CFAP73: variants seen among roughly 807,000 people sequenced by gnomAD.
The protein encoded by CFAP73 is cilia- and flagella-associated protein 73.
Under a neutral mutation model 42.9 loss-of-function variants are expected in CFAP73, and 33 were observed. The ratio of observed to expected loss-of-function variants is 0.77; its 90% CI spans 0.58 to 1.03. The LOEUF (loss-of-function observed/expected upper bound fraction) is 1.03, where lower values mean the gene tolerates loss of function less well. CFAP73 is among the 50% of genes least tolerant of loss of function. The pLI, the probability that CFAP73 is intolerant of heterozygous loss-of-function variation, is 0.00. For missense variants in CFAP73, 392 were observed against 411.9 expected, an observed-to-expected ratio of 0.95 and a Z score of 0.42; for synonymous variants, 162 against 186.8, an observed-to-expected ratio of 0.87 and a Z score of 1.08.
chr12:113,157,585 G>C lies in CFAP73; in HGVS notation c.850-17G>C, dbSNP rs1203019387. 6.4e-7 allele frequency: 1 copy of C among 1,551,120 alleles called. No individual in the cohort carries two copies. The highest frequency in any genetic ancestry group is 8.7e-7 in the Non-Finnish European group (1 of 1,146,686). On this transcript the variant is annotated splice_polypyrimidine_tract_variant and intron_variant, in intron 6 of 7. Coordinates refer to ENST00000335621, the MANE Select transcript of CFAP73 (RefSeq NM_001144872.3). ...GACTCTGGGGCTGGGATGTGACTTC[G>C]TGCTGGGCCCCCCCAGGTGAAGCTG... is the stretch of plus-strand genomic sequence containing the variant.
chr12:113,155,525 C>T, intron 6 of CFAP73, 107 bp downstream of exon 6: 1 of 1,232,890 alleles, frequency 8.1e-7, no homozygotes, highest in Non-Finnish European at 1.1e-6. Context: ...TAAGCATGGC[C>T]CTCTACGGTC....
rs1174516894 is a variant in CFAP73, at chr12:113,158,768, G to A, written c.*79G>A. Reference sequence around the variant, plus strand: ...TTTCACAGATGATGGCTCCTGCAGGGAGTGCCCCCAGTGCCCAGCACAGGG... The same window carrying A: ...TTTCACAGATGATGGCTCCTGCAGGAAGTGCCCCCAGTGCCCAGCACAGGG... On this transcript the variant is annotated 3_prime_UTR_variant, in exon 8 of 8. Transcript: ENST00000335621. This position sits in a 1 kb window ranked among gnomAD's most constrained non-coding sequence, Gnocchi z 4.9. 1 of 1,218,474 alleles carries A rather than the reference G, an allele frequency of 8.2e-7. No homozygotes were observed. The highest frequency in any genetic ancestry group is 1.1e-6 in the Non-Finnish European group (1 of 886,456). 75.5% of individuals were successfully genotyped at this position (1,218,474 alleles called of 1,614,324 possible).
chr12:113,157,973 G>C (rs1241548590), intron 7 of CFAP73: 6 of 450,586 alleles, frequency 1.3e-5, no homozygotes, highest in Non-Finnish European at 2.4e-5. Context: ...AGGGTGGTTG[G>C]GGCATGAAAA....
Position 113,154,366 on chromosome 12 carries a change from T to C in CFAP73, c.469-48T>C, listed in dbSNP as rs1315072706. 3.9e-6 allele frequency: 6 copies of C among 1,539,220 alleles called. No homozygotes were observed. In the Admixed American group the frequency reaches 9.8e-5, roughly 25 times the overall value. Reference sequence around the variant, plus strand: ...TGGCGGCCAGGTGGGATGGAGAGGGTAAGGCACTGCAGGCCCATGTGAGTC... The same window carrying C: ...TGGCGGCCAGGTGGGATGGAGAGGGCAAGGCACTGCAGGCCCATGTGAGTC... On this transcript the variant is annotated intron_variant, in intron 4 of 7. Transcript: ENST00000335621. This position sits in a 1 kb window ranked among gnomAD's most constrained non-coding sequence, Gnocchi z 4.7.
Position 113,154,606 on chromosome 12 carries a change from G to C in CFAP73, c.661G>C (p.Glu221Gln). 1 of 1,415,682 alleles carries C rather than the reference G, an allele frequency of 7.1e-7. No homozygotes were observed. The highest frequency in any genetic ancestry group is 9.1e-7 in the Non-Finnish European group (1 of 1,096,336). 87.7% of individuals were successfully genotyped at this position (1,415,682 alleles called of 1,614,324 possible). A position where few individuals can be genotyped will look rare whatever the true frequency, so the allele number is the denominator to read the frequency against. ...QRRAQLQERLEAARERTLQWE... is the reference protein window; with the variant it reads ...QRRAQLQERLQAARERTLQWE... ...GCGGGCACAGCTGCAGGAGCGCCTG[G>C]AGGCTGCCAGGGAGCGTACGCTGCA... Residue 221 changes from glutamate (E) to glutamine (Q), a missense_variant, in exon 5 of 8, where the codon GAG becomes CAG. By Grantham distance (29) the Glu-to-Gln change is conservative (BLOSUM62 2). Coordinates refer to ENST00000335621, the MANE Select transcript of CFAP73 (RefSeq NM_001144872.3). The surrounding 1 kb of genome is among the most constrained non-coding windows in gnomAD (Gnocchi z 4.7).
chr12:113,152,961 A>G, intron 3 of CFAP73, 74 bp downstream of exon 3: 1 of 1,078,310 alleles, frequency 9.3e-7, no homozygotes, highest in South Asian at 1.4e-5. Flanking sequence ...CCCGGCAGGT[A>G]ACAAAAATAA....
chr12:113,156,085 T>C (rs1017619827), intron 6 of CFAP73, among the ~76,000 whole-genome samples: 3 of 151,972 alleles, frequency 2.0e-5, no homozygotes, highest in African/African-American at 7.3e-5. Flanking sequence ...GACACCCGGC[T>C]AATTTTGTAT....
intron 6 of CFAP73, chr12:113,157,163 C>T (rs1408561314): frequency 1.3e-5 from 2 of 158,780 alleles, no homozygotes; most frequent in African/African-American, 2.4e-5. Flanking sequence ...GTAAGTTCAC[C>T]CTCAAGTTCT....
chr12:113,155,015 C>A (rs1024299966), intron 5 of CFAP73, among the ~76,000 whole-genome samples: 1 of 152,098 alleles, frequency 6.6e-6, no homozygotes, highest in African/African-American at 2.4e-5. Context: ...ACTAAAAATA[C>A]AAAAATTAGC....
chr12:113,156,423 G>C (rs1458293809), intron 6 of CFAP73, among the ~76,000 whole-genome samples: 1 of 151,646 alleles, frequency 6.6e-6, no homozygotes, highest in African/African-American at 2.4e-5. Context: ...TAAGACACGA[G>C]TCTGCCAATG....
chr12:113,159,100 CG>C lies in CFAP73; in HGVS notation c.*414del. On this transcript the variant is annotated 3_prime_UTR_variant, in exon 8 of 8. Transcript: ENST00000335621. ...TGCAGGGGTGCCTGGGGCGTGGGGC[CG>C]GGATGCACCTGCTGGGACAGGGATT... is the stretch of plus-strand genomic sequence containing the variant. 6.3e-7 allele frequency: 1 copy of C among 1,597,290 alleles called. No homozygotes were observed.
intron 5 of CFAP73, 36 bp from the exon 6 acceptor site, chr12:113,155,224 G>A (rs368363798): frequency 2.0e-6 from 3 of 1,491,278 alleles, no homozygotes; most frequent in African/African-American, 2.8e-5. Flanking sequence ...CCTTGGCCCA[G>A]TTGCCATAAT....
intron 4 of CFAP73, among the ~76,000 whole-genome samples, chr12:113,153,821 G>C (rs1026248805): frequency 2.0e-5 from 3 of 151,870 alleles, no homozygotes; most frequent in Admixed American, 6.6e-5. Flanking sequence ...GGCTGGTTTC[G>C]AACTCCTGGG....
At position 113,154,596 on chromosome 12, in the gene CFAP73, G is replaced by A; in HGVS notation, c.651G>A (p.Gln217=). 7.1e-7 allele frequency: 1 copy of A among 1,418,218 alleles called. No homozygotes were observed. The highest frequency in any genetic ancestry group is 9.1e-7 in the Non-Finnish European group (1 of 1,097,678). 87.9% of individuals were successfully genotyped at this position (1,418,218 alleles called of 1,614,324 possible). The part of the protein sequence containing the change: ...LAQGQRRAQL[Q]ERLEAARERT... ...AGGGCCAGCGGCGGGCACAGCTGCA[G>A]GAGCGCCTGGAGGCTGCCAGGGAGC... is the stretch of plus-strand genomic sequence containing the variant. Residue 217 remains glutamine (Q), a synonymous_variant, in exon 5 of 8, where the codon CAG becomes CAA. Transcript: ENST00000335621. This position sits in a 1 kb window ranked among gnomAD's most constrained non-coding sequence, Gnocchi z 4.7.
Position 113,153,219 on chromosome 12 carries a change from C to G in CFAP73, c.279C>G (p.Ala93=). The G allele has an allele frequency of 6.6e-7, 1 of 1,518,614 alleles. No homozygotes were observed. Among genetic ancestry groups the G allele is most frequent in the Non-Finnish European group, 8.8e-7 (1 of 1,139,746 alleles). 94.1% of individuals were successfully genotyped at this position (1,518,614 alleles called of 1,614,324 possible). Reference sequence around the variant, plus strand: ...ACCGTACTCCCCAGGACTCCGAGGCCCGGCGCAATCGCGCGCTGCGGAGGG... The same window carrying G: ...ACCGTACTCCCCAGGACTCCGAGGCGCGGCGCAATCGCGCGCTGCGGAGGG... ...RFDKFLQDSE[A]RRNRALRRAA... is the part of the protein sequence containing the mutation. Residue 93 remains alanine (A), a synonymous_variant, in exon 4 of 8, where the codon GCC becomes GCG. Transcript: ENST00000335621.
chr12:113,151,821 C>T (rs866837861), intron 1 of CFAP73, 97 bp from the exon 2 acceptor site: 8 of 738,514 alleles, frequency 1.1e-5, no homozygotes, highest in Middle Eastern at 7.5e-4. Context: ...ATTAAACAGC[C>T]AGCAGGTGGC....
intron 1 of CFAP73, 123 bp from the exon 2 acceptor site, chr12:113,151,795 A>C: frequency 2.7e-6 from 1 of 365,186 alleles, no homozygotes; most frequent in Non-Finnish European, 4.8e-6. Flanking sequence ...ACAAGTCTCA[A>C]AAAAAAAAAA....
intron 1 of CFAP73, 83 bp downstream of exon 1, chr12:113,149,996 G>A: frequency 7.2e-7 from 1 of 1,389,796 alleles, no homozygotes; most frequent in Non-Finnish European, 1.0e-6. Context: ...TCACCTCCTG[G>A]GTCCTGGCTT....
At chr12:113,151,229 C>T (rs562515310) in intron 1 of CFAP73, among the ~76,000 whole-genome samples, 1 of 152,248 alleles carries the variant, frequency 6.6e-6, no homozygotes, top group East Asian at 1.9e-4. Context: ...CACCTGTAAT[C>T]CCGGCACTTT....
Sources: gnomAD v4.1 joint callset for allele counts (sites outside exome capture counted in the v4.1 genomes callset) on GRCh38, gnomAD v4.1.1 for gene constraint, Gnocchi (gnomAD v3.1) non-coding constraint, MANE v1.5 for transcripts, NCBI Gene and HGNC (gene_info 2026-07-23, HGNC 2026-07-21) for gene names.